DENND2A: variants seen among roughly 807,000 people sequenced by gnomAD.
DENND2A encodes the protein DENN domain containing 2A.
A neutral mutation model predicts 105.3 loss-of-function variants in DENND2A; 53 were observed. The ratio of observed to expected loss-of-function variants is 0.50; its 90% CI spans 0.40 to 0.63. The LOEUF (loss-of-function observed/expected upper bound fraction) is 0.63. Ranked by LOEUF, DENND2A falls within the 30% of genes least tolerant of loss-of-function variation. The pLI is 0.00. For missense variants in DENND2A, 1,138 were observed against 1,279.6 expected (o/e 0.89, Z 1.69); for synonymous variants, 522 against 508.4 (o/e 1.03, Z -0.36).
At chr7:140,531,389 C>T (rs1796258173) in intron 14 of DENND2A, among the ~76,000 whole-genome samples, 1 of 152,064 alleles carries the variant, frequency 6.6e-6, no homozygotes, top group African/African-American at 2.4e-5. Flanking sequence ...AGTTTGCAGC[C>T]CATTAGTGGG....
chr7:140,597,094 G>T (rs907342800), intron 3 of DENND2A, among the ~76,000 whole-genome samples: 3 of 151,596 alleles, frequency 2.0e-5, no homozygotes, highest in Non-Finnish European at 4.4e-5. Flanking sequence ...AGAAAAGGAG[G>T]GAAAAGGAAG....
At position 140,559,641 on chromosome 7, in the gene DENND2A, C is replaced by T; in HGVS notation, c.1889+67G>A. The T allele has an allele frequency of 8.4e-7, 1 of 1,197,024 alleles. No individual in the cohort carries two copies. 74.2% of individuals were successfully genotyped at this position (1,197,024 alleles called of 1,614,324 possible). A position where few individuals can be genotyped will look rare whatever the true frequency, so the allele number is the denominator to read the frequency against. ...TGGGAATGACTCATGTGGTCTGCCA[C>T]CTGTAACCCCGTCTCTAAGTCTCGC... On this transcript the variant is annotated intron_variant, in intron 10 of 19. Transcript: ENST00000496613. This position sits in a 1 kb window ranked among gnomAD's most constrained non-coding sequence, Gnocchi z 4.1.
Position 140,523,494 on chromosome 7 carries a change from G to A in DENND2A, c.2548-70C>T. 1 of 1,339,904 alleles carries A rather than the reference G, an allele frequency of 7.5e-7. No homozygotes were observed. The highest frequency in any genetic ancestry group is 1.1e-6 in the Non-Finnish European group (1 of 937,486). The allele number at this position is 1,339,904 out of a possible 1,614,324, so 83.0% of individuals were successfully genotyped here. On this transcript the variant is annotated intron_variant, in intron 16 of 19. Coordinates refer to ENST00000496613, the MANE Select transcript of DENND2A (RefSeq NM_015689.5). The surrounding 1 kb of genome is among the most constrained non-coding windows in gnomAD (Gnocchi z 4.5). ...CGTCTTGGCCATAGGACACACTGGA[G>A]CCACTGCAGGGCAGGCCTGGCTCAG... is the stretch of plus-strand genomic sequence containing the variant.
chr7:140,595,116 C>A (rs537880939), intron 3 of DENND2A, among the ~76,000 whole-genome samples: 1 of 152,232 alleles, frequency 6.6e-6, no homozygotes, highest in East Asian at 1.9e-4. Flanking sequence ...ATGTGATTCT[C>A]CTGCCTCAGC....
intron 1 of DENND2A, among the ~76,000 whole-genome samples, chr7:140,628,601 G>A (rs954139273): frequency 8.9e-5 from 13 of 145,808 alleles, no homozygotes; most frequent in African/African-American, 3.1e-4. Context: ...GTGCAGTGGC[G>A]CGATCTCAGC....
rs746595174 is a variant in DENND2A at position 140,559,807 on chromosome 7, G to C, written c.1790C>G (p.Ser597Cys). Residue 597 changes from serine to cysteine, a missense_variant, in exon 10 of 20, where the codon TCT (serine) becomes TGT (cysteine). Ser to Cys is a moderately radical substitution (Grantham distance 112). Transcript: ENST00000496613. This position sits in a 1 kb window ranked among gnomAD's most constrained non-coding sequence, Gnocchi z 4.1. ...CTCAGCTTCTCTCATGAACTTGAAA[G>C]ACCTTTCCAACTGCAGGGAGAAAGG... ...TQQFPLKLER[S>C]FKFMREAEDQ... 1 of 1,613,658 alleles carries C rather than the reference G, an allele frequency of 6.2e-7. No individual in the cohort carries two copies. Among genetic ancestry groups the C allele is most frequent in the Admixed American group, 1.7e-5 (1 of 60,004 alleles).
At chr7:140,537,540 C>A (rs1048787282) in intron 14 of DENND2A, among the ~76,000 whole-genome samples, 4 of 152,248 alleles carry the variant, frequency 2.6e-5, no homozygotes, top group African/African-American at 9.6e-5. Flanking sequence ...CTCCTGGGCT[C>A]ACGTGATCCT....
chr7:140,558,881 C>T (rs1472830817), intron 10 of DENND2A, among the ~76,000 whole-genome samples: 1 of 150,778 alleles, frequency 6.6e-6, no homozygotes, highest in Non-Finnish European at 1.5e-5. Flanking sequence ...CGGCTCACCA[C>T]AACCTCTGCC....
chr7:140,532,879 T>C (rs1375750233), intron 14 of DENND2A, among the ~76,000 whole-genome samples: 1 of 105,236 alleles, frequency 9.5e-6, no homozygotes, highest in East Asian at 2.2e-4. Context: ...AAATTAAATG[T>C]ATATAAAAAG....
chr7:140,590,960 T>C lies in DENND2A; in HGVS notation c.996-3180A>G, dbSNP rs1299737961. ...TAAAAGGTCACTAGTCTAAACAGCATTAGAAAAGTCCAATTTGAAAACAAT... is the reference window on the plus strand; with the variant it reads ...TAAAAGGTCACTAGTCTAAACAGCACTAGAAAAGTCCAATTTGAAAACAAT... On this transcript the variant is annotated intron_variant, in intron 3 of 19. Transcript: ENST00000496613. 3.9e-5 allele frequency among the ~76,000 whole-genome samples: 6 copies of C among 152,052 alleles called. No individual in the cohort carries two copies. In the East Asian group the frequency reaches 1.2e-3, roughly 29 times the overall value.
intron 5 of DENND2A, among the ~76,000 whole-genome samples, chr7:140,582,355 C>G (rs1177963284): frequency 6.6e-6 from 1 of 152,134 alleles, no homozygotes; most frequent in African/African-American, 2.4e-5. Context: ...GGGGACAGAC[C>G]AGGTGTGACA....
At chr7:140,599,666 T>C (rs1799410161) in intron 3 of DENND2A, among the ~76,000 whole-genome samples, 1 of 151,770 alleles carries the variant, frequency 6.6e-6, no homozygotes, top group Admixed American at 6.6e-5. Flanking sequence ...ATTTGTAAAC[T>C]GGGAATAACT....
intron 1 of DENND2A, among the ~76,000 whole-genome samples, chr7:140,630,577 G>A (rs575521806): frequency 4.6e-5 from 7 of 152,252 alleles, no homozygotes; most frequent in Admixed American, 2.0e-4. Flanking sequence ...AACAGGCTGG[G>A]CTCACACCTG....
chr7:140,618,947 C>T (rs1053207422), intron 1 of DENND2A, among the ~76,000 whole-genome samples: 26 of 152,074 alleles, frequency 1.7e-4, no homozygotes, highest in African/African-American at 5.8e-4. Context: ...TATAGGCGCC[C>T]GCCTCCACGC....
At chr7:140,533,995 C>T (rs1283747601) in intron 14 of DENND2A, among the ~76,000 whole-genome samples, 1 of 151,946 alleles carries the variant, frequency 6.6e-6, no homozygotes. Context: ...CTCATTGCAA[C>T]CTCCACCTCC....
chr7:140,527,837 T>C lies in DENND2A; in HGVS notation c.2328-342A>G, dbSNP rs1296507125. Among the ~76,000 whole-genome samples the C allele has an allele frequency of 6.6e-6, 1 of 152,090 alleles. No homozygotes were observed. The highest frequency in any genetic ancestry group is 2.4e-5 in the African/African-American group (1 of 41,430). ...TATTTATTATTTATTTATTTATTTATATTTTTAATTTTTTTGAGACGGAGT... is the reference window on the plus strand; with the variant it reads ...TATTTATTATTTATTTATTTATTTACATTTTTAATTTTTTTGAGACGGAGT... On this transcript the variant is annotated intron_variant, in intron 14 of 19. Coordinates refer to ENST00000496613, the MANE Select transcript of DENND2A (RefSeq NM_015689.5). The surrounding 1 kb of genome is among the most constrained non-coding windows in gnomAD (Gnocchi z 4.9).
intron 1 of DENND2A, among the ~76,000 whole-genome samples, chr7:140,612,524 CAG>C (rs1799938498): frequency 1.3e-5 from 2 of 148,604 alleles, no homozygotes; most frequent in African/African-American, 5.0e-5. Context: ...TTTTTTGAGA[CAG>C]AGTCTTACTC....
intron 3 of DENND2A, among the ~76,000 whole-genome samples, chr7:140,589,308 A>G (rs980000245): frequency 3.9e-5 from 6 of 152,228 alleles, no homozygotes; most frequent in African/African-American, 1.4e-4. Flanking sequence ...TTTTCCATAC[A>G]AAACTGCATT....
intron 14 of DENND2A, among the ~76,000 whole-genome samples, chr7:140,530,809 C>A (rs1473578577): frequency 1.3e-5 from 2 of 152,024 alleles, no homozygotes; most frequent in Non-Finnish European, 2.9e-5. Flanking sequence ...CAGCTCACTG[C>A]AACCTCCACC....
Sources: gnomAD v4.1 joint callset for allele counts (sites outside exome capture counted in the v4.1 genomes callset) on GRCh38, gnomAD v4.1.1 for gene constraint, Gnocchi (gnomAD v3.1) non-coding constraint, MANE v1.5 for transcripts, NCBI Gene and HGNC (gene_info 2026-07-23, HGNC 2026-07-21) for gene names.